Variants in WWOX observed in about 807,000 individuals in gnomAD.
WWOX encodes WW domain containing oxidoreductase, also known as WW domain-containing oxidoreductase.
Under a neutral mutation model 46.2 loss-of-function variants are expected in WWOX, and 69 were observed. The ratio of observed to expected loss-of-function variants is 1.49; its 90% CI spans 1.23 to 1.82. WWOX has a LOEUF of 1.82. Ranked by LOEUF, WWOX falls within the 40% of genes most tolerant of loss-of-function variation. The pLI, the probability that WWOX is intolerant of heterozygous loss-of-function variation, is 0.00. For synonymous variants in WWOX, 359 were observed against 202.6 expected (o/e 1.77, Z -6.56); for missense variants, 919 against 542.6 (o/e 1.69, Z -6.89).
intron 8 of WWOX, among the ~76,000 whole-genome samples, chr16:78,846,888 T>C (rs904878583): frequency 1.3e-5 from 2 of 152,238 alleles, no homozygotes; most frequent in Non-Finnish European, 2.9e-5. Context: ...GGAAGGCTGT[T>C]TCTTCTTCTC....
chr16:78,166,539 T>C (rs1176799352), intron 5 of WWOX, among the ~76,000 whole-genome samples: 2 of 151,636 alleles, frequency 1.3e-5, no homozygotes, highest in African/African-American at 4.8e-5. Flanking sequence ...AGTCATTTTC[T>C]TTTTTCTTTT....
chr16:78,898,009 A>G (rs952728070), intron 8 of WWOX: 1 of 113,096 alleles, frequency 8.8e-6, no homozygotes, highest in African/African-American at 4.9e-5. Context: ...TAAAAATTAG[A>G]TAGTCTTTTT....
chr16:78,779,186 C>A (rs2050265312), intron 8 of WWOX, among the ~76,000 whole-genome samples: 1 of 152,132 alleles, frequency 6.6e-6, no homozygotes. Context: ...TCTTTGTTTC[C>A]CAGGCTGGAG....
At chr16:78,949,248 C>T (rs1221461142) in intron 8 of WWOX, among the ~76,000 whole-genome samples, 1 of 152,172 alleles carries the variant, frequency 6.6e-6, no homozygotes, top group African/African-American at 2.4e-5. Context: ...AGGAAACCCA[C>T]CTGAGCCACT....
At chr16:78,601,818 C>A (rs117127347) in intron 8 of WWOX, among the ~76,000 whole-genome samples, 2,446 of 152,160 alleles carry the variant, frequency 0.016, 51 homozygotes, top group East Asian at 0.069. Flanking sequence ...GGAAAGGTGA[C>A]ATTCCAACTG....
chr16:78,375,985 G>A (rs1455761505), intron 5 of WWOX, among the ~76,000 whole-genome samples: 3 of 151,840 alleles, frequency 2.0e-5, no homozygotes, highest in African/African-American at 4.8e-5. Flanking sequence ...CAATTAGCGG[G>A]GACTACCAGC....
intron 5 of WWOX, among the ~76,000 whole-genome samples, chr16:78,197,201 C>T (rs1243539139): frequency 6.6e-6 from 1 of 152,146 alleles, no homozygotes; most frequent in East Asian, 1.9e-4. Context: ...GAAACTCAGC[C>T]AGGGTCCGTC....
At chr16:78,620,931 A>G (rs1040385898) in intron 8 of WWOX, among the ~76,000 whole-genome samples, 7 of 152,076 alleles carry the variant, frequency 4.6e-5, no homozygotes, top group Admixed American at 2.6e-4. Context: ...ACTTACCCAG[A>G]TTGTGTTTCT....
intron 8 of WWOX, among the ~76,000 whole-genome samples, chr16:78,563,196 C>G (rs1006891202): frequency 6.6e-6 from 1 of 152,170 alleles, no homozygotes; most frequent in Non-Finnish European, 1.5e-5. Flanking sequence ...GAAAATAAAT[C>G]ATAATTTATA....
intron 8 of WWOX, among the ~76,000 whole-genome samples, chr16:79,029,505 C>A (rs540228677): frequency 1.5e-4 from 23 of 152,242 alleles, no homozygotes; most frequent in African/African-American, 5.5e-4. Context: ...GATCTTGGGG[C>A]AGTGAGGACT....
At chr16:78,414,794 T>C (rs2082762736) in intron 6 of WWOX, among the ~76,000 whole-genome samples, 1 of 152,158 alleles carries the variant, frequency 6.6e-6, no homozygotes, top group South Asian at 2.1e-4. Context: ...AGCTGTTATT[T>C]AAACTATAAA....
At chr16:79,031,419 A>T (rs940300257) in intron 8 of WWOX, among the ~76,000 whole-genome samples, 1 of 151,882 alleles carries the variant, frequency 6.6e-6, no homozygotes, top group Admixed American at 6.6e-5. Context: ...AGTGAAACGC[A>T]TTAGACATCT....
intron 8 of WWOX, among the ~76,000 whole-genome samples, chr16:79,174,350 A>C (rs995139932): frequency 6.6e-6 from 1 of 152,158 alleles, no homozygotes; most frequent in African/African-American, 2.4e-5. Context: ...CAAATCCTTC[A>C]AGATTAAGAA....
intron 8 of WWOX, among the ~76,000 whole-genome samples, chr16:79,047,864 T>C (rs1023971405): frequency 6.6e-6 from 1 of 151,730 alleles, no homozygotes; most frequent in African/African-American, 2.4e-5. Context: ...AAGAAAGAAA[T>C]CTGACAACTC....
intron 8 of WWOX, among the ~76,000 whole-genome samples, chr16:79,130,712 A>G (rs1161776015): frequency 1.3e-5 from 2 of 152,248 alleles, no homozygotes; most frequent in Non-Finnish European, 2.9e-5. Context: ...GTGCTGCGGT[A>G]CTGGCGTCCT....
intron 8 of WWOX, among the ~76,000 whole-genome samples, chr16:78,816,405 AG>A (rs1311604160): frequency 6.6e-6 from 1 of 151,454 alleles, no homozygotes; most frequent in African/African-American, 2.4e-5. Context: ...AGATATTGCA[AG>A]TGTGTTTAAT....
At chr16:79,042,605 A>T (rs2151412716) in intron 8 of WWOX, among the ~76,000 whole-genome samples, 3 of 152,336 alleles carry the variant, frequency 2.0e-5, no homozygotes, top group Middle Eastern at 6.8e-3. Context: ...GGAGCAAATT[A>T]ACTATACATG....
intron 8 of WWOX, among the ~76,000 whole-genome samples, chr16:78,652,493 A>G (rs565646380): frequency 3.3e-5 from 5 of 152,072 alleles, no homozygotes; most frequent in African/African-American, 1.2e-4. Context: ...TGAGGACTCT[A>G]TAAAGGACTA....
At chr16:78,202,402 G>T (rs576908651) in intron 5 of WWOX, among the ~76,000 whole-genome samples, 5 of 152,230 alleles carry the variant, frequency 3.3e-5, no homozygotes, top group Admixed American at 2.0e-4. Flanking sequence ...CTTAAATTCC[G>T]TCGATCTGGC....
Sources: gnomAD v4.1 joint callset for allele counts (sites outside exome capture counted in the v4.1 genomes callset) on GRCh38, gnomAD v4.1.1 for gene constraint, MANE v1.5 for transcripts, NCBI Gene and HGNC (gene_info 2026-07-23, HGNC 2026-07-21) for gene names.